The following GPC6 variants were observed in gnomAD, a reference collection of about 807,000 sequenced individuals.
GPC6 encodes the protein glypican-6.
A neutral mutation model predicts 55.2 loss-of-function variants in GPC6; 14 were observed. The observed-to-expected ratio is 0.25, with a 90% CI of 0.17 to 0.40. GPC6 has a LOEUF of 0.40. Among genes scored for constraint, GPC6 ranks in the 10% least tolerant of loss-of-function variants. GPC6 has a pLI of 1.00. For synonymous variants in GPC6, 278 were observed against 259.6 expected (o/e 1.07, Z -0.68); for missense variants, 641 against 708.5 (o/e 0.90, Z 1.08).
chr13:93,506,336 C>T (rs1025035247), intron 1 of GPC6, among the ~76,000 whole-genome samples: 2 of 152,150 alleles, frequency 1.3e-5, no homozygotes, highest in South Asian at 4.1e-4. Flanking sequence ...AAGAAATTAA[C>T]CATTTTATCT....
intron 3 of GPC6, among the ~76,000 whole-genome samples, chr13:94,007,110 T>G (rs1882053242): frequency 6.6e-6 from 1 of 152,230 alleles, no homozygotes; most frequent in Non-Finnish European, 1.5e-5. Context: ...TCCTAAATCT[T>G]AGATCCAATC....
intron 2 of GPC6, among the ~76,000 whole-genome samples, chr13:93,602,348 C>G (rs916807140): frequency 3.9e-5 from 6 of 152,264 alleles, no homozygotes; most frequent in African/African-American, 1.4e-4. Context: ...GGATCCTTTT[C>G]TGAACTTTCA....
intron 4 of GPC6, among the ~76,000 whole-genome samples, chr13:94,257,795 C>A (rs971546001): frequency 6.6e-6 from 1 of 152,112 alleles, no homozygotes; most frequent in Non-Finnish European, 1.5e-5. Flanking sequence ...CAAAAGAGAC[C>A]ATTAACCCCA....
chr13:93,228,680 C>T (rs1875906517), intron 1 of GPC6, among the ~76,000 whole-genome samples: 1 of 152,122 alleles, frequency 6.6e-6, no homozygotes, highest in Non-Finnish European at 1.5e-5. Flanking sequence ...CCGAGGGAGG[C>T]CAGGAGATGC....
At chr13:93,371,092 G>C (rs899424639) in intron 1 of GPC6, among the ~76,000 whole-genome samples, 1 of 152,128 alleles carries the variant, frequency 6.6e-6, no homozygotes, top group Non-Finnish European at 1.5e-5. Flanking sequence ...GGTTGTGACA[G>C]ATGTTGTATT....
chr13:93,774,505 C>CT (rs1213159897), intron 2 of GPC6, among the ~76,000 whole-genome samples: 1 of 152,090 alleles, frequency 6.6e-6, no homozygotes, highest in East Asian at 1.9e-4. Context: ...TACCAAAATC[C>CT]TAGACACTAA....
intron 1 of GPC6, among the ~76,000 whole-genome samples, chr13:93,303,870 C>G (rs1035453313): frequency 7.9e-6 from 1 of 126,546 alleles, no homozygotes; most frequent in Admixed American, 8.6e-5. Context: ...AATGTAGATA[C>G]TATTTTTTTT....
chr13:94,290,549 C>T (rs897050439), intron 5 of GPC6, among the ~76,000 whole-genome samples: 25 of 150,954 alleles, frequency 1.7e-4, no homozygotes, highest in Admixed American at 4.6e-4. Flanking sequence ...ATTGTATATA[C>T]ATGTGATGTT....
chr13:94,349,492 C>T (rs1878433562), intron 6 of GPC6, among the ~76,000 whole-genome samples: 1 of 152,178 alleles, frequency 6.6e-6, no homozygotes, highest in African/African-American at 2.4e-5. Flanking sequence ...TCCACATTGC[C>T]TGTGGAATTA....
Position 94,407,182 on chromosome 13 carries a change from T to G in GPC6, c.*3965T>G, listed in dbSNP as rs899785972. ...GTTACTGGAACCTTTGACATTGCCT[T>G]GTAATGAGGTACTTCCAAAAAAAGA... is the stretch of plus-strand genomic sequence containing the variant. On this transcript the variant is annotated 3_prime_UTR_variant, in exon 9 of 9. Transcript: ENST00000377047. 1 of 152,050 alleles carries G rather than the reference T, an allele frequency of 6.6e-6. No homozygotes were observed. Among genetic ancestry groups the G allele is most frequent in the Admixed American group, 6.6e-5 (1 of 15,262 alleles). The allele number at this position is 152,050 out of a possible 1,614,324, so 9.4% of individuals were successfully genotyped here. A position where few individuals can be genotyped will look rare whatever the true frequency, so the allele number is the denominator to read the frequency against.
At chr13:93,498,881 C>G (rs1880409855) in intron 1 of GPC6, among the ~76,000 whole-genome samples, 1 of 152,044 alleles carries the variant, frequency 6.6e-6, no homozygotes, top group Non-Finnish European at 1.5e-5. Context: ...TTATTTAAAT[C>G]TTCTCATAGT....
intron 2 of GPC6, among the ~76,000 whole-genome samples, chr13:93,610,054 G>A (rs750837052): frequency 7.2e-5 from 11 of 152,180 alleles, no homozygotes; most frequent in Non-Finnish European, 1.0e-4. Context: ...TGCTGAATGA[G>A]GACATGGATG....
At chr13:93,401,651 C>G (rs1056088127) in intron 1 of GPC6, among the ~76,000 whole-genome samples, 31 of 138,528 alleles carry the variant, frequency 2.2e-4, no homozygotes, top group Non-Finnish European at 4.1e-4. Flanking sequence ...GAGAAATCAG[C>G]TTCTGAGTGT....
intron 2 of GPC6, among the ~76,000 whole-genome samples, chr13:93,623,455 CTTTT>C (rs567830011): frequency 3.4e-5 from 4 of 116,192 alleles, no homozygotes; most frequent in Non-Finnish European, 5.3e-5. Flanking sequence ...CTTTTCTTTT[CTTTT>C]TTTTTTTTTT....
At chr13:93,297,915 C>A (rs890538674) in intron 1 of GPC6, among the ~76,000 whole-genome samples, 1 of 152,152 alleles carries the variant, frequency 6.6e-6, no homozygotes, top group African/African-American at 2.4e-5. Flanking sequence ...CCTGAGTCTT[C>A]CCAAAAGCAA....
rs1555336159 is a variant in GPC6 at position 93,231,407 on chromosome 13, A to ATATG, written c.160+3794_160+3795insGTAT. ...TATATATATATATATGTATATATAT[A>ATATG]TATATATATATATATACGTATATAT... is the stretch of plus-strand genomic sequence containing the variant. On this transcript the variant is annotated intron_variant, in intron 1 of 8. Coordinates refer to ENST00000377047, the MANE Select transcript of GPC6 (RefSeq NM_005708.5). 9.9e-4 allele frequency among the ~76,000 whole-genome samples: 39 copies of ATATG among 39,434 alleles called. No homozygotes were observed. The East Asian group carries it at 0.011, about 11-fold the overall frequency. 25.9% of individuals were successfully genotyped at this position (39,434 alleles called of 152,430 possible).
intron 1 of GPC6, among the ~76,000 whole-genome samples, chr13:93,441,903 C>T (rs1877818492): frequency 6.6e-6 from 1 of 152,076 alleles, no homozygotes; most frequent in Admixed American, 6.6e-5. Flanking sequence ...AAGTTATGGG[C>T]ATTGGACATA....
chr13:93,543,519 C>T (rs1212926169), intron 1 of GPC6, among the ~76,000 whole-genome samples: 1 of 151,944 alleles, frequency 6.6e-6, no homozygotes. Context: ...GCTTTGGTAT[C>T]AGGATGATGC....
chr13:94,002,572 C>T (rs1404419355), intron 3 of GPC6, among the ~76,000 whole-genome samples: 1 of 151,970 alleles, frequency 6.6e-6, no homozygotes, highest in African/African-American at 2.4e-5. Context: ...TAGAGAGACA[C>T]ACTTAAAGTA....
Sources: allele counts gnomAD v4.1 joint callset (sites outside exome capture counted in the v4.1 genomes callset), GRCh38; gene constraint gnomAD v4.1.1; transcripts MANE v1.5; gene names NCBI Gene and HGNC (gene_info 2026-07-23, HGNC 2026-07-21).